The following ZNF121 variants were observed in gnomAD, a reference collection of about 807,000 sequenced individuals.
The protein encoded by ZNF121 is zinc finger protein 121 (clone ZHC32).
A neutral mutation model predicts 2.4 loss-of-function variants in ZNF121; 1 was observed. The observed-to-expected ratio is 0.41, with a 90% CI of 0.15 to 1.94. The LOEUF is 1.94. ZNF121 is among the 30% of genes most tolerant of loss of function. ZNF121 has a pLI of 0.30. For missense variants in ZNF121, 369 were observed against 466.3 expected (o/e 0.79, Z 1.92); for synonymous variants, 173 against 158.6 (o/e 1.09, Z -0.68).
Position 9,561,657 on chromosome 19 carries a change from C to CA in ZNF121, c.*4282dup, listed in dbSNP as rs1424108304. On this transcript the variant is annotated 3_prime_UTR_variant, in exon 4 of 4. Coordinates refer to ENST00000320451, the MANE Select transcript of ZNF121 (RefSeq NM_001008727.5). ...ATCCTGGCACTTTGGGAGGCTGAGG[C>CA]AGGAGGACTGCTTGAGCCCAAGAGC... 1 of 152,110 alleles carries CA rather than the reference C, an allele frequency of 6.6e-6. No homozygotes were observed. The highest frequency in any genetic ancestry group is 2.4e-5 in the African/African-American group (1 of 41,392). The allele number at this position is 152,110 out of a possible 1,614,324, so 9.4% of individuals were successfully genotyped here.
chr19:9,567,965 C>T lies in ZNF121; in HGVS notation c.3+130G>A, dbSNP rs1169103583. On this transcript the variant is annotated intron_variant, in intron 3 of 3. Coordinates refer to ENST00000320451, the MANE Select transcript of ZNF121 (RefSeq NM_001008727.5). ...AACAGAAACAGTACCAGTGGGGACC[C>T]TTGCTCTAGAGACATTCCTCCTGCT... 1.1e-5 allele frequency: 11 copies of T among 1,043,720 alleles called. 1 individual carries two copies. The highest frequency in any genetic ancestry group is 1.5e-5 in the Non-Finnish European group (11 of 742,662). 64.7% of individuals were successfully genotyped at this position (1,043,720 alleles called of 1,614,324 possible).
chr19:9,580,108 C>T (rs147677702), intron 1 of ZNF121, among the ~76,000 whole-genome samples: 8 of 151,844 alleles, frequency 5.3e-5, no homozygotes, highest in East Asian at 1.9e-4. Flanking sequence ...CTGGCTAACA[C>T]GGTGAAACCT....
Position 9,574,388 on chromosome 19 carries a change from C to G in ZNF121, c.-159-5306G>C, listed in dbSNP as rs183098086. Among the ~76,000 whole-genome samples the G allele has an allele frequency of 2.9e-4, 44 of 151,934 alleles. No homozygotes were observed. The East Asian group carries it at 7.8e-3, about 27-fold the overall frequency. On this transcript the variant is annotated intron_variant, in intron 1 of 3. Transcript: ENST00000320451. ...TCAGGATGGTCTCAATCTCCTGATC[C>G]CGTGATCTGCCCGCCTTGGCCTCCC...
chr19:9,565,866 G>T lies in ZNF121; in HGVS notation c.*74C>A. ...TACCAATAAAATTTCTCTTCAGTGT[G>T]AATTCAAATGTGGTAATTATGGTAT... On this transcript the variant is annotated 3_prime_UTR_variant, in exon 4 of 4. Transcript: ENST00000320451. 2 of 1,210,110 alleles carry T rather than the reference G, an allele frequency of 1.7e-6. No homozygotes were observed. The highest frequency in any genetic ancestry group is 2.3e-6 in the Non-Finnish European group (2 of 883,258). The allele number at this position is 1,210,110 out of a possible 1,614,324, so 75.0% of individuals were successfully genotyped here.
intron 1 of ZNF121, among the ~76,000 whole-genome samples, chr19:9,571,569 T>G (rs1424155467): frequency 1.3e-5 from 2 of 152,174 alleles, no homozygotes; most frequent in African/African-American, 4.8e-5. Context: ...AAGACTTGGT[T>G]ACCTTTCACC....
chr19:9,568,106 C>CG lies in ZNF121; in HGVS notation c.-10dup. ...AATCTTAATCTTACCATTTGTATGC[C>CG]GTTTGATGTTTTGTTAAGCCAAAAA... On this transcript the variant is annotated 5_prime_UTR_variant, in exon 3 of 4. Coordinates refer to ENST00000320451, the MANE Select transcript of ZNF121 (RefSeq NM_001008727.5). The CG allele has an allele frequency of 1.0e-5, 16 of 1,537,988 alleles. No individual in the cohort carries two copies. Among genetic ancestry groups the CG allele is most frequent in the Non-Finnish European group, 1.4e-5 (16 of 1,129,004 alleles).
intron 1 of ZNF121, among the ~76,000 whole-genome samples, chr19:9,582,879 A>ATT (rs2074257453): frequency 6.6e-6 from 1 of 152,164 alleles, no homozygotes; most frequent in Non-Finnish European, 1.5e-5. Flanking sequence ...TTCAATAGAT[A>ATT]CTACTTTATT....
At chr19:9,569,833 G>A (rs1357388225) in intron 1 of ZNF121, among the ~76,000 whole-genome samples, 5 of 142,216 alleles carry the variant, frequency 3.5e-5, no homozygotes, top group African/African-American at 5.6e-5. Context: ...ACGCCTGGCC[G>A]AGATCTTTTT....
rs184063605 is a variant in ZNF121, at chr19:9,574,648, A to C, written c.-159-5566T>G. ...TTTGATTGGCTTAGAACTTTTTAAA[A>C]GGCGTAAAGGCAGAGGAGAAGAAAG... On this transcript the variant is annotated intron_variant, in intron 1 of 3. Transcript: ENST00000320451. Among the ~76,000 whole-genome samples the C allele has an allele frequency of 8.5e-5, 13 of 152,326 alleles. 1 individual carries two copies. Among genetic ancestry groups the C allele is most frequent in the African/African-American group, 2.9e-4 (12 of 41,572 alleles).
At chr19:9,568,047 A>G in intron 3 of ZNF121, 48 bp downstream of exon 3, 2 of 1,519,462 alleles carry the variant, frequency 1.3e-6, no homozygotes, top group South Asian at 1.2e-5. Flanking sequence ...TTTATAATTG[A>G]ATCCCAATCT....
rs1414498286 is a variant in ZNF121 at position 9,563,762 on chromosome 19, G to A, written c.*2178C>T. ...CTTGTTAGAGGTCAATGCAGTTGGT[G>A]ACTTTAAATGAATGCTAATATTCAA... On this transcript the variant is annotated 3_prime_UTR_variant, in exon 4 of 4. Coordinates refer to ENST00000320451, the MANE Select transcript of ZNF121 (RefSeq NM_001008727.5). 1 of 152,190 alleles carries A rather than the reference G, an allele frequency of 6.6e-6. No individual in the cohort carries two copies. The highest frequency in any genetic ancestry group is 2.4e-5 in the African/African-American group (1 of 41,456). The allele number at this position is 152,190 out of a possible 1,614,324, so 9.4% of individuals were successfully genotyped here. A position where few individuals can be genotyped will look rare whatever the true frequency, so the allele number is the denominator to read the frequency against.
At chr19:9,573,899 T>C (rs1051972785) in intron 1 of ZNF121, among the ~76,000 whole-genome samples, 1 of 152,004 alleles carries the variant, frequency 6.6e-6, no homozygotes, top group Non-Finnish European at 1.5e-5. Context: ...CAGGCTGGAG[T>C]ACCGTGGCAC....
intron 1 of ZNF121, among the ~76,000 whole-genome samples, chr19:9,579,936 T>G (rs1012924019): frequency 7.2e-5 from 11 of 152,140 alleles, no homozygotes; most frequent in Non-Finnish European, 1.6e-4. Flanking sequence ...ATCAAAAAAC[T>G]TTTTTTGAAT....
chr19:9,566,603 T>C lies in ZNF121; in HGVS notation c.510A>G (p.Lys170=). The C allele has an allele frequency of 6.2e-7, 1 of 1,614,196 alleles. No homozygotes were observed. Among genetic ancestry groups the C allele is most frequent in the Non-Finnish European group, 8.5e-7 (1 of 1,180,026 alleles). ...NSHMRTHTGE[K]PYECKECGKC... is the part of the protein sequence containing the mutation. ...TCCCACATTCCTTACATTCATAGGG[T>C]TTCTCCCCAGTATGGGTTCGCATGT... Residue 170 remains lysine (K), a synonymous_variant, in exon 4 of 4, where the codon AAA becomes AAG. Coordinates refer to ENST00000320451, the MANE Select transcript of ZNF121 (RefSeq NM_001008727.5).
intron 3 of ZNF121, chr19:9,567,739 C>T (rs2074143872): frequency 3.6e-6 from 1 of 278,512 alleles, no homozygotes; most frequent in African/African-American, 2.2e-5. Context: ...GATCATCAGT[C>T]TCATAAGGAG....
At chr19:9,583,002 A>G (rs2074258655) in intron 1 of ZNF121, among the ~76,000 whole-genome samples, 1 of 147,706 alleles carries the variant, frequency 6.8e-6, no homozygotes, top group Non-Finnish European at 1.5e-5. Context: ...TTACAAGGTC[A>G]GGAGTTCGAG....
intron 1 of ZNF121, among the ~76,000 whole-genome samples, chr19:9,569,301 C>G (rs958511323): frequency 6.6e-6 from 1 of 151,960 alleles, no homozygotes; most frequent in African/African-American, 2.4e-5. Flanking sequence ...CCATTAAAGA[C>G]TGGGCGCAGT....
intron 1 of ZNF121, among the ~76,000 whole-genome samples, chr19:9,570,628 G>A (rs1019387318): frequency 1.6e-4 from 25 of 152,168 alleles, no homozygotes; most frequent in African/African-American, 4.8e-4. Flanking sequence ...GTGCAATGAC[G>A]CAGTCTAGGC....
chr19:9,580,020 G>A lies in ZNF121; in HGVS notation c.-160+4441C>T, dbSNP rs191664645. ...AGATATTCCCTTGTCAGCCAGGCGC[G>A]GGTGGCTCACACCTGTTATCCCAGC... On this transcript the variant is annotated intron_variant, in intron 1 of 3. Transcript: ENST00000320451. Among the ~76,000 whole-genome samples the A allele has an allele frequency of 5.9e-5, 9 of 152,116 alleles. No homozygotes were observed. In the South Asian group the frequency reaches 8.3e-4, roughly 14 times the overall value.
Sources: allele counts gnomAD v4.1 joint callset (sites outside exome capture counted in the v4.1 genomes callset), GRCh38; gene constraint gnomAD v4.1.1; transcripts MANE v1.5; gene names NCBI Gene and HGNC (gene_info 2026-07-23, HGNC 2026-07-21).